The following ATRNL1 variants were observed in gnomAD, a reference collection of about 807,000 sequenced individuals.
ATRNL1 encodes the protein attractin like 1, also known as attractin-like protein 1.
A neutral mutation model predicts 182.7 loss-of-function variants in ATRNL1; 95 were observed. That is an observed-to-expected ratio of 0.52 (90% CI 0.44 to 0.62). The LOEUF (loss-of-function observed/expected upper bound fraction) is 0.62. Ranked by LOEUF, ATRNL1 falls within the 20% of genes least tolerant of loss-of-function variation. ATRNL1 has a pLI of 0.00. For synonymous variants in ATRNL1, 576 were observed against 568.3 expected, an observed-to-expected ratio of 1.01 and a Z score of -0.19; for missense variants, 1,471 against 1,679.5, an observed-to-expected ratio of 0.88 and a Z score of 2.17.
intron 26 of ATRNL1, among the ~76,000 whole-genome samples, chr10:115,676,194 T>C (rs1262885640): frequency 1.3e-5 from 2 of 152,106 alleles, no homozygotes; most frequent in Non-Finnish European, 2.9e-5. Flanking sequence ...GGAAGGATGT[T>C]GTGATGCACA....
At chr10:115,662,138 A>T (rs976806134) in intron 26 of ATRNL1, among the ~76,000 whole-genome samples, 3 of 151,846 alleles carry the variant, frequency 2.0e-5, no homozygotes, top group Non-Finnish European at 2.9e-5. Context: ...ATAGTATTCC[A>T]TGGTGTATAT....
intron 26 of ATRNL1, among the ~76,000 whole-genome samples, chr10:115,617,416 G>A (rs1194870382): frequency 2.6e-5 from 4 of 151,922 alleles, no homozygotes; most frequent in African/African-American, 7.3e-5. Flanking sequence ...CTGGAGTGCA[G>A]TGGTGCAATT....
chr10:115,657,068 A>C (rs1555036175), intron 26 of ATRNL1, among the ~76,000 whole-genome samples: 2 of 152,160 alleles, frequency 1.3e-5, no homozygotes, highest in African/African-American at 4.8e-5. Context: ...TTCATTATAC[A>C]TCATTTCACT....
intron 27 of ATRNL1, among the ~76,000 whole-genome samples, chr10:115,750,375 A>G (rs894727341): frequency 1.3e-5 from 2 of 151,926 alleles, no homozygotes; most frequent in Non-Finnish European, 2.9e-5. Context: ...TAGGAAAAAG[A>G]TGGGCTTCTC....
chr10:115,712,741 G>A (rs987947439), intron 26 of ATRNL1, among the ~76,000 whole-genome samples: 4 of 151,868 alleles, frequency 2.6e-5, no homozygotes, highest in Admixed American at 6.6e-5. Context: ...GGTGATGTGC[G>A]CCTGTAATCC....
At chr10:115,917,885 T>C (rs1952920752) in intron 28 of ATRNL1, among the ~76,000 whole-genome samples, 1 of 152,204 alleles carries the variant, frequency 6.6e-6, no homozygotes, top group African/African-American at 2.4e-5. Flanking sequence ...ACTGCTATTG[T>C]AATTATTAAC....
intron 26 of ATRNL1, among the ~76,000 whole-genome samples, chr10:115,613,242 G>C (rs923559122): frequency 6.6e-6 from 1 of 152,162 alleles, no homozygotes; most frequent in African/African-American, 2.4e-5. Context: ...GCAACAAAGA[G>C]ATACTGATCT....
At chr10:115,384,889 A>C (rs1215272616) in intron 19 of ATRNL1, among the ~76,000 whole-genome samples, 1 of 151,036 alleles carries the variant, frequency 6.6e-6, no homozygotes, top group Non-Finnish European at 1.5e-5. Context: ...TATTGTCTGG[A>C]TATACCACAT....
intron 20 of ATRNL1, among the ~76,000 whole-genome samples, chr10:115,412,211 G>T (rs10218965): frequency 0.013 from 1,992 of 152,212 alleles, 41 homozygotes; most frequent in African/African-American, 0.046. Context: ...AGCAGCTGAG[G>T]ATAGCCACCA....
chr10:115,723,301 G>T (rs890208186), intron 26 of ATRNL1, among the ~76,000 whole-genome samples: 6 of 152,134 alleles, frequency 3.9e-5, no homozygotes, highest in Non-Finnish European at 5.9e-5. Flanking sequence ...TGCAGGCAGA[G>T]TTAGTCACTG....
chr10:115,748,562 T>C (rs1175409952), intron 27 of ATRNL1, among the ~76,000 whole-genome samples: 1 of 151,864 alleles, frequency 6.6e-6, no homozygotes, highest in Non-Finnish European at 1.5e-5. Context: ...ATGCTGTATG[T>C]CACTATTTAC....
chr10:115,819,733 A>C (rs781796427), intron 27 of ATRNL1: 1 of 152,126 alleles, frequency 6.6e-6, no homozygotes, highest in Non-Finnish European at 1.5e-5. Context: ...TATAGATGCA[A>C]GTGCTTGAAA....
chr10:115,538,731 A>T (rs1852185064), intron 25 of ATRNL1, among the ~76,000 whole-genome samples: 1 of 152,112 alleles, frequency 6.6e-6, no homozygotes, highest in African/African-American at 2.4e-5. Flanking sequence ...TTTTTTAAAA[A>T]CTTGATTATG....
chr10:115,678,607 CATG>C (rs1555043763), intron 26 of ATRNL1, among the ~76,000 whole-genome samples: 1 of 152,026 alleles, frequency 6.6e-6, no homozygotes, highest in African/African-American at 2.4e-5. Context: ...ATGCAAATAG[CATG>C]ATAATAAGTA....
intron 28 of ATRNL1, among the ~76,000 whole-genome samples, chr10:115,884,913 T>A (rs1951907552): frequency 6.6e-6 from 1 of 152,232 alleles, no homozygotes; most frequent in Non-Finnish European, 1.5e-5. Flanking sequence ...CTGCAGCTTT[T>A]TGTAACATTC....
chr10:115,564,024 G>T (rs999993806), intron 26 of ATRNL1, among the ~76,000 whole-genome samples: 1 of 151,980 alleles, frequency 6.6e-6, no homozygotes, highest in African/African-American at 2.4e-5. Flanking sequence ...ACTGGTGTTC[G>T]ACCTGTACTG....
At chr10:115,884,391 A>G (rs1304251342) in intron 28 of ATRNL1, among the ~76,000 whole-genome samples, 1 of 152,224 alleles carries the variant, frequency 6.6e-6, no homozygotes, top group Non-Finnish European at 1.5e-5. Flanking sequence ...CCAATCCCAG[A>G]ATCACATTGC....
intron 26 of ATRNL1, among the ~76,000 whole-genome samples, chr10:115,614,835 G>A (rs1555020277): frequency 1.3e-5 from 2 of 152,024 alleles, no homozygotes; most frequent in Admixed American, 6.6e-5. Flanking sequence ...TATAAGTATG[G>A]TACTCCTGCA....
chr10:115,924,674 A>T (rs782598652), intron 28 of ATRNL1, among the ~76,000 whole-genome samples: 6 of 152,186 alleles, frequency 3.9e-5, no homozygotes, highest in Non-Finnish European at 8.8e-5. Context: ...GTTTGAAGTC[A>T]GGTAGTCTGA....
Sources: gnomAD v4.1 joint callset for allele counts (sites outside exome capture counted in the v4.1 genomes callset) on GRCh38, gnomAD v4.1.1 for gene constraint, MANE v1.5 for transcripts, NCBI Gene and HGNC (gene_info 2026-07-23, HGNC 2026-07-21) for gene names.